Variants in RIT2 observed in about 807,000 individuals in gnomAD.
The protein encoded by RIT2 is Ras like without CAAX 2.
Under a neutral mutation model 23.7 loss-of-function variants are expected in RIT2, and 24 were observed. The ratio of observed to expected loss-of-function variants is 1.01; its 90% confidence interval spans 0.73 to 1.43. The LOEUF (loss-of-function observed/expected upper bound fraction) is 1.43, where lower values mean the gene tolerates loss of function less well. Among genes scored for constraint, RIT2 ranks in the 40% most tolerant of loss-of-function variants. The pLI is 0.00. For synonymous variants in RIT2, 107 were observed against 91.1 expected (o/e 1.17, Z -0.99); for missense variants, 236 against 266.9 (o/e 0.88, Z 0.81).
At chr18:42,872,137 T>C (rs74881192) in intron 4 of RIT2, among the ~76,000 whole-genome samples, 15,723 of 152,268 alleles carry the variant, frequency 0.1, 972 homozygotes, top group Middle Eastern at 0.24. Context: ...AAAAAGGATT[T>C]TTGGACTTTT....
chr18:43,095,084 G>A (rs1913520435), intron 1 of RIT2, among the ~76,000 whole-genome samples: 1 of 152,042 alleles, frequency 6.6e-6, no homozygotes, highest in African/African-American at 2.4e-5. Context: ...CCCAGTAATG[G>A]GATGGCTGGG....
chr18:42,796,054 A>G (rs1453667207), intron 4 of RIT2, among the ~76,000 whole-genome samples: 1 of 152,168 alleles, frequency 6.6e-6, no homozygotes, highest in Non-Finnish European at 1.5e-5. Context: ...TGCCCTAGCC[A>G]GCAGTGGCAA....
intron 4 of RIT2, among the ~76,000 whole-genome samples, chr18:42,807,232 C>A (rs1905709070): frequency 6.6e-6 from 1 of 152,104 alleles, no homozygotes; most frequent in Admixed American, 6.6e-5. Flanking sequence ...ACCTTAGACT[C>A]CTCTGTTTTC....
chr18:42,782,939 C>T (rs1438346001), intron 4 of RIT2, among the ~76,000 whole-genome samples: 1 of 151,984 alleles, frequency 6.6e-6, no homozygotes, highest in Non-Finnish European at 1.5e-5. Flanking sequence ...CTTAAGAATG[C>T]AATAACAGAG....
At chr18:42,877,563 T>C (rs1160081148) in intron 4 of RIT2, among the ~76,000 whole-genome samples, 2 of 150,412 alleles carry the variant, frequency 1.3e-5, no homozygotes, top group South Asian at 2.1e-4. Context: ...CATAGATACA[T>C]ATCTATATAC....
In RIT2 at chr18:42,844,296, C is replaced by T. The variant is rs567491793; in HGVS notation, c.426+79276G>A. The stretch of plus-strand genomic sequence containing the variant: ...CCACTTGCCTTGTCACATGGGGCAG[C>T]TGCCCTCCACTGGTGAGGGCAAAGG... On this transcript the variant is annotated intron_variant, in intron 4 of 4. Transcript: ENST00000326695. Among the ~76,000 whole-genome samples, 3 of 152,324 alleles carry T rather than the reference C, an allele frequency of 2.0e-5. No individual in the cohort carries two copies. In the East Asian group the frequency reaches 5.8e-4, roughly 30 times the overall value.
At chr18:43,022,822 GGAGT>G (rs1257924608) in intron 2 of RIT2, among the ~76,000 whole-genome samples, 8 of 152,020 alleles carry the variant, frequency 5.3e-5, no homozygotes, top group Non-Finnish European at 7.4e-5. Flanking sequence ...GCAACCAGAA[GGAGT>G]GAGAATTCTC....
intron 1 of RIT2, among the ~76,000 whole-genome samples, chr18:43,059,179 C>T (rs1568069995): frequency 3.3e-5 from 5 of 152,112 alleles, no homozygotes; most frequent in Admixed American, 1.3e-4. Context: ...TTATTGAGGA[C>T]ATACAATGTG....
intron 2 of RIT2, 109 bp from the exon 3 acceptor site, chr18:42,974,256 A>G (rs1910430468): frequency 2.9e-6 from 2 of 701,160 alleles, no homozygotes; most frequent in African/African-American, 1.8e-5. Context: ...ATAATTAGAA[A>G]TATTCCTCAA....
chr18:43,114,129 T>A (rs928593829), intron 1 of RIT2, among the ~76,000 whole-genome samples: 1 of 152,138 alleles, frequency 6.6e-6, no homozygotes, highest in Non-Finnish European at 1.5e-5. Context: ...TATACACAAT[T>A]ACAAAGCTTT....
intron 4 of RIT2, among the ~76,000 whole-genome samples, chr18:42,819,961 C>G (rs1256315085): frequency 1.3e-5 from 2 of 152,104 alleles, no homozygotes; most frequent in East Asian, 3.9e-4. Context: ...TGCATATAAC[C>G]TACACATATA....
chr18:42,951,368 T>C (rs1052955315), intron 3 of RIT2, among the ~76,000 whole-genome samples: 1 of 151,844 alleles, frequency 6.6e-6, no homozygotes, highest in African/African-American at 2.4e-5. Flanking sequence ...AAGTGAGAGC[T>C]AAACATCAAG....
chr18:43,081,494 C>T (rs1167804871), intron 1 of RIT2, among the ~76,000 whole-genome samples: 1 of 152,110 alleles, frequency 6.6e-6, no homozygotes, highest in Non-Finnish European at 1.5e-5. Flanking sequence ...TTGGTAACTT[C>T]ATTGTCATGC....
intron 3 of RIT2, among the ~76,000 whole-genome samples, chr18:42,946,062 G>T (rs1909721100): frequency 6.6e-6 from 1 of 151,994 alleles, no homozygotes; most frequent in Non-Finnish European, 1.5e-5. Context: ...TATTTTAGGT[G>T]GCTGTATGCT....
At chr18:42,858,200 G>T (rs1017726761) in intron 4 of RIT2, among the ~76,000 whole-genome samples, 2 of 152,054 alleles carry the variant, frequency 1.3e-5, no homozygotes, top group Non-Finnish European at 2.9e-5. Flanking sequence ...ACAAACATTT[G>T]CAAAGACTTT....
intron 4 of RIT2, among the ~76,000 whole-genome samples, chr18:42,753,979 C>T (rs1453534584): frequency 6.6e-6 from 1 of 152,156 alleles, no homozygotes; most frequent in African/African-American, 2.4e-5. Flanking sequence ...CACCCTTAGC[C>T]GCAGTCACTG....
Position 42,818,924 on chromosome 18 carries a change from A to C in RIT2, c.427-75204T>G, listed in dbSNP as rs568943351. On this transcript the variant is annotated intron_variant, in intron 4 of 4. Coordinates refer to ENST00000326695, the MANE Select transcript of RIT2 (RefSeq NM_002930.4). ...TATAGTGGTCTCCAAAAGGTGCATA[A>C]ATATTGAGTCTTTAAAATATGTTCC... 4.0e-5 allele frequency among the ~76,000 whole-genome samples: 4 copies of C among 99,736 alleles called. No individual in the cohort carries two copies. The East Asian group carries it at 1.0e-3, about 25-fold the overall frequency. The allele number at this position is 99,736 out of a possible 152,430, so 65.4% of individuals were successfully genotyped here. A position where few individuals can be genotyped will look rare whatever the true frequency, so the allele number is the denominator to read the frequency against.
At chr18:42,927,452 T>C (rs528229941) in intron 3 of RIT2, among the ~76,000 whole-genome samples, 2 of 151,766 alleles carry the variant, frequency 1.3e-5, no homozygotes, top group Non-Finnish European at 2.9e-5. Context: ...CTCAGAGATT[T>C]GAGCAAAATC....
At chr18:43,026,359 T>C (rs1911717637) in intron 2 of RIT2, among the ~76,000 whole-genome samples, 1 of 151,654 alleles carries the variant, frequency 6.6e-6, no homozygotes, top group African/African-American at 2.4e-5. Context: ...ATTGAGAACG[T>C]CCTGACCAAC....
Sources: allele counts gnomAD v4.1 joint callset (sites outside exome capture counted in the v4.1 genomes callset), GRCh38; gene constraint gnomAD v4.1.1; transcripts MANE v1.5; gene names NCBI Gene and HGNC (gene_info 2026-07-23, HGNC 2026-07-21).